Variants in LRP2 observed in about 807,000 individuals in gnomAD.
LRP2 encodes the protein LDL receptor related protein 2.
Under a neutral mutation model 531.0 loss-of-function variants are expected in LRP2, and 172 were observed. That is an observed-to-expected ratio of 0.32 (90% CI 0.29 to 0.37). The LOEUF (loss-of-function observed/expected upper bound fraction) is 0.37, where lower values mean the gene tolerates loss of function less well. LRP2 is among the 10% of genes least tolerant of loss of function. The probability of loss-of-function intolerance (pLI) is 1.00; values close to 1 mark genes in which losing one functional copy is unlikely to be tolerated. For synonymous variants in LRP2, 1,992 were observed against 2,027.6 expected (o/e 0.98, Z 0.47); for missense variants, 5,167 against 5,868.3 (o/e 0.88, Z 3.90).
chr2:169,201,936 ATACAAT>A (rs1192134879), intron 43 of LRP2, 66 bp from the exon 44 acceptor site: 1 of 1,585,170 alleles, frequency 6.3e-7, no homozygotes, highest in Non-Finnish European at 8.6e-7. Context: ...TTTTAAAAAG[ATACAAT>A]TAAATAAAAG....
intron 12 of LRP2, 40 bp downstream of exon 12, chr2:169,279,332 T>A: frequency 6.8e-7 from 1 of 1,475,628 alleles, no homozygotes. Flanking sequence ...GAGAGAAAAT[T>A]CTAAAAATAC....
In LRP2 at chr2:169,137,499, G is replaced by A; in HGVS notation, c.13519-6C>T. ...TCCATGACAAAGTCTTCACTCTGAT[G>A]GCAGAGACAGAAAGAGAGAGAGAGA... is the stretch of plus-strand genomic sequence containing the variant. On this transcript the variant is annotated splice_polypyrimidine_tract_variant and splice_region_variant and intron_variant, in intron 75 of 78. Coordinates refer to ENST00000649046, the MANE Select transcript of LRP2 (RefSeq NM_004525.3). 1 of 1,523,800 alleles carries A rather than the reference G, an allele frequency of 6.6e-7. No homozygotes were observed. Among genetic ancestry groups the A allele is most frequent in the Non-Finnish European group, 9.1e-7 (1 of 1,098,410 alleles). 94.4% of individuals were successfully genotyped at this position (1,523,800 alleles called of 1,614,324 possible).
intron 34 of LRP2, among the ~76,000 whole-genome samples, chr2:169,218,316 T>C (rs1688868587): frequency 6.6e-6 from 1 of 152,166 alleles, no homozygotes; most frequent in Non-Finnish European, 1.5e-5. Context: ...TCGCCTGATA[T>C]ATCTTAAAAG....
chr2:169,205,423 G>A, intron 41 of LRP2, 56 bp downstream of exon 41: 1 of 1,585,412 alleles, frequency 6.3e-7, no homozygotes. Flanking sequence ...CCTCTTCTTT[G>A]GAAATGGAAG....
chr2:169,335,104 A>G (rs1685368514), intron 1 of LRP2, among the ~76,000 whole-genome samples: 1 of 152,238 alleles, frequency 6.6e-6, no homozygotes, highest in South Asian at 2.1e-4. Context: ...ATTTATTCTG[A>G]GAAACACAGG....
intron 33 of LRP2, among the ~76,000 whole-genome samples, chr2:169,221,928 T>C (rs1344603797): frequency 9.1e-6 from 1 of 110,112 alleles, no homozygotes; most frequent in Non-Finnish European, 1.8e-5. Flanking sequence ...GGCCATTCTG[T>C]AGGCTTCACT....
chr2:169,172,722 A>AG lies in LRP2; in HGVS notation c.11143+373dup, dbSNP rs150226931. ...CCTAATTTGGAAATATCCTTTTTAG[A>AG]GATAGATACGAAGTCTTTTCTCTAA... On this transcript the variant is annotated intron_variant, in intron 57 of 78. Coordinates refer to ENST00000649046, the MANE Select transcript of LRP2 (RefSeq NM_004525.3). 4.7e-3 allele frequency among the ~76,000 whole-genome samples: 721 copies of AG among 152,352 alleles called. 8 individuals carry two copies. The highest frequency in any genetic ancestry group is 0.017 in the African/African-American group (690 of 41,588).
chr2:169,242,919 C>G, intron 24 of LRP2, 37 bp downstream of exon 24: 2 of 1,457,862 alleles, frequency 1.4e-6, no homozygotes, highest in Non-Finnish European at 1.9e-6. Flanking sequence ...ATGAAATGAC[C>G]CCTTTGTCTG....
At chr2:169,165,101 A>T (rs1686736075) in intron 62 of LRP2, among the ~76,000 whole-genome samples, 1 of 152,162 alleles carries the variant, frequency 6.6e-6, no homozygotes. Context: ...CTCCTCTGGG[A>T]TGGGGGCTGG....
At position 169,239,579 on chromosome 2, in the gene LRP2, C is replaced by G; in HGVS notation, c.4242G>C (p.Ser1414=). ...CYNMRGSFRC[S]CDTGYMLESD... is the part of the protein sequence containing the mutation. ...TTTCTAACATGTAGCCTGTATCACACGAGCACCGGAAAGAACCTCTCATAT... is the reference window on the plus strand; with the variant it reads ...TTTCTAACATGTAGCCTGTATCACAGGAGCACCGGAAAGAACCTCTCATAT... Residue 1414 remains serine (S), a synonymous_variant, in exon 26 of 79, where the codon TCG becomes TCC. Transcript: ENST00000649046. The G allele has an allele frequency of 6.2e-7, 1 of 1,614,058 alleles. No homozygotes were observed. Among genetic ancestry groups the G allele is most frequent in the Non-Finnish European group, 8.5e-7 (1 of 1,179,942 alleles).
At chr2:169,281,679 C>T (rs1303368061) in intron 10 of LRP2, among the ~76,000 whole-genome samples, 1 of 148,114 alleles carries the variant, frequency 6.8e-6, no homozygotes, top group Non-Finnish European at 1.5e-5. Flanking sequence ...GATGGCGCCA[C>T]TGCACTCCAG....
At chr2:169,173,808 G>T in intron 56 of LRP2, 111 bp downstream of exon 56, 1 of 1,460,772 alleles carries the variant, frequency 6.8e-7, no homozygotes, top group Non-Finnish European at 9.5e-7. Context: ...TGCCAAGGGG[G>T]AGCATCCCAT....
At chr2:169,242,597 C>T (rs1689848140) in intron 24 of LRP2, among the ~76,000 whole-genome samples, 7 of 152,170 alleles carry the variant, frequency 4.6e-5, no homozygotes, top group Admixed American at 4.6e-4. Flanking sequence ...GACTTCTCTA[C>T]TGAAACTTAA....
intron 67 of LRP2, 47 bp from the exon 68 acceptor site, chr2:169,151,073 T>A: frequency 6.2e-7 from 1 of 1,606,154 alleles, no homozygotes; most frequent in Non-Finnish European, 8.5e-7. Flanking sequence ...CCTAGAGTAA[T>A]CATTACTGGG....
intron 58 of LRP2, among the ~76,000 whole-genome samples, chr2:169,171,420 C>G (rs1218643284): frequency 6.6e-6 from 1 of 152,180 alleles, no homozygotes; most frequent in Admixed American, 6.5e-5. Context: ...ATCTCAGCCT[C>G]TTGGCTTCCT....
rs569348454 is a variant in LRP2, at chr2:169,235,242, A to G, written c.4920+598T>C. ...AAGTTATAAATTTTTGCTTGAAAAA[A>G]ATTTTTTTTTTTTTTGAGATGGAGT... On this transcript the variant is annotated intron_variant, in intron 29 of 78. Coordinates refer to ENST00000649046, the MANE Select transcript of LRP2 (RefSeq NM_004525.3). Among the ~76,000 whole-genome samples the G allele has an allele frequency of 1.0e-3, 104 of 102,494 alleles. 2 individuals carry two copies. The highest frequency in any genetic ancestry group is 4.4e-3 in the African/African-American group (94 of 21,566). 67.2% of individuals were successfully genotyped at this position (102,494 alleles called of 152,430 possible). A position where few individuals can be genotyped will look rare whatever the true frequency, so the allele number is the denominator to read the frequency against.
Position 169,201,806 on chromosome 2 carries a change from G to A in LRP2, c.8274C>T (p.Tyr2758=). The change falls in exon 44 of 79, where the codon TAC becomes TAT. Residue 2758 remains tyrosine (Y), a synonymous_variant. Transcript: ENST00000649046. ...CANGRCVQYS[Y]RCDYYNDCGD... ...CACAGTCATTGTAGTAATCACAGCG[G>A]TAAGAGTATTGGACACATCGCCCAT... 6.2e-7 allele frequency: 1 copy of A among 1,614,202 alleles called. No homozygotes were observed. The highest frequency in any genetic ancestry group is 8.5e-7 in the Non-Finnish European group (1 of 1,180,038).
rs775393937 is a variant in LRP2, at chr2:169,239,755, A to T, written c.4066T>A (p.Phe1356Ile). ...CACTCGTGAGTACAACCACCATTGA[A>T]ATCTGAGCAGCTGTTCCCATCTAGA... ...PLCNGNSCSD[F>I]NGGCTHECVQ... The change falls in exon 26 of 79, where the codon TTC becomes ATC. Residue 1356 changes from phenylalanine (F) to isoleucine (I), a missense_variant. Transcript: ENST00000649046. 29 of 1,614,022 alleles carry T rather than the reference A, an allele frequency of 1.8e-5. No homozygotes were observed. The highest frequency in any genetic ancestry group is 2.5e-5 in the Non-Finnish European group (29 of 1,179,878).
At chr2:169,156,142 G>A in intron 65 of LRP2, 132 bp downstream of exon 65, 1 of 1,197,210 alleles carries the variant, frequency 8.4e-7, no homozygotes, top group Non-Finnish European at 1.2e-6. Context: ...TGGAAGAGAA[G>A]CAGCTGGCGA....
Sources: gnomAD v4.1 joint callset for allele counts (sites outside exome capture counted in the v4.1 genomes callset) on GRCh38, gnomAD v4.1.1 for gene constraint, MANE v1.5 for transcripts, NCBI Gene and HGNC (gene_info 2026-07-23, HGNC 2026-07-21) for gene names.